Variants in NRXN1 observed in about 807,000 individuals in gnomAD.
The protein encoded by NRXN1 is neurexin-1.
Under a neutral mutation model 150.9 loss-of-function variants are expected in NRXN1, and 39 were observed. The observed-to-expected ratio is 0.26, with a 90% confidence interval of 0.20 to 0.34. The LOEUF is 0.34. Among genes scored for constraint, NRXN1 ranks in the 10% least tolerant of loss-of-function variants. The pLI, the probability that NRXN1 is intolerant of heterozygous loss-of-function variation, is 1.00. For missense variants in NRXN1, 1,815 were observed against 1,949.9 expected, an observed-to-expected ratio of 0.93 and a Z score of 1.30; for synonymous variants, 924 against 757.0, an observed-to-expected ratio of 1.22 and a Z score of -3.62.
At chr2:50,255,143 C>A (rs2067572921) in intron 17 of NRXN1, among the ~76,000 whole-genome samples, 1 of 151,480 alleles carries the variant, frequency 6.6e-6, no homozygotes, top group African/African-American at 2.4e-5. Context: ...TTATAAAAAA[C>A]AAACAAACAA....
intron 15 of NRXN1, among the ~76,000 whole-genome samples, chr2:50,488,604 T>C (rs1161175572): frequency 2.0e-5 from 3 of 152,186 alleles, no homozygotes; most frequent in Admixed American, 1.3e-4. Context: ...GATCTTTCTC[T>C]GTTCTTGTCC....
At chr2:50,364,186 C>A (rs2079425735) in intron 17 of NRXN1, among the ~76,000 whole-genome samples, 1 of 152,038 alleles carries the variant, frequency 6.6e-6, no homozygotes, top group Non-Finnish European at 1.5e-5. Context: ...ACATGTTTAC[C>A]CATGTAACAA....
At chr2:50,218,312 C>T (rs2063542365) in intron 18 of NRXN1, among the ~76,000 whole-genome samples, 1 of 151,596 alleles carries the variant, frequency 6.6e-6, no homozygotes, top group Admixed American at 6.6e-5. Flanking sequence ...GAAAAACTTT[C>T]CACCTTCAGT....
chr2:50,208,471 G>C (rs753437752), intron 18 of NRXN1, among the ~76,000 whole-genome samples: 10 of 152,054 alleles, frequency 6.6e-5, no homozygotes, highest in Non-Finnish European at 1.3e-4. Flanking sequence ...CTTTCTCACA[G>C]GGTATCCCTT....
chr2:50,899,600 T>C (rs140211860), intron 5 of NRXN1, among the ~76,000 whole-genome samples: 3 of 152,258 alleles, frequency 2.0e-5, no homozygotes, highest in Non-Finnish European at 4.4e-5. Flanking sequence ...AGGGGGTAGA[T>C]TATGTCAAAG....
intron 18 of NRXN1, among the ~76,000 whole-genome samples, chr2:50,163,198 A>C (rs1186747703): frequency 2.7e-5 from 4 of 149,438 alleles, no homozygotes; most frequent in Admixed American, 2.0e-4. Flanking sequence ...AACAATACTA[A>C]ATGTAGTATC....
At chr2:50,558,497 C>A (rs1450859595) in intron 8 of NRXN1, among the ~76,000 whole-genome samples, 1 of 152,132 alleles carries the variant, frequency 6.6e-6, no homozygotes, top group Non-Finnish European at 1.5e-5. Flanking sequence ...ATTAAAATAT[C>A]TCTAAGTGAA....
At chr2:50,602,873 CTCTTTGATTTATAT>C (rs1284720394) in intron 8 of NRXN1, among the ~76,000 whole-genome samples, 1 of 152,188 alleles carries the variant, frequency 6.6e-6, no homozygotes, top group Non-Finnish European at 1.5e-5. Flanking sequence ...TGGCTTCTCA[CTCTTTGATTTATAT>C]TCTTTAATGG....
intron 19 of NRXN1, among the ~76,000 whole-genome samples, chr2:50,084,524 G>A (rs367784736): frequency 7.2e-5 from 11 of 152,276 alleles, no homozygotes; most frequent in African/African-American, 2.4e-4. Context: ...CCAAGCCCAC[G>A]CTCACCAGGA....
intron 8 of NRXN1, among the ~76,000 whole-genome samples, chr2:50,564,289 C>T (rs1294141044): frequency 6.6e-6 from 1 of 152,130 alleles, no homozygotes. Flanking sequence ...CTATTATGAT[C>T]TTAACTGTGT....
Position 50,122,162 on chromosome 2 carries a change from T to G in NRXN1, c.3547-30668A>C, listed in dbSNP as rs1157506680. ...TATCCCTTCAAAAAAAAAATTCCATTTGTTTACCAAAATCTATTCACACTT... is the reference window on the plus strand; with the variant it reads ...TATCCCTTCAAAAAAAAAATTCCATGTGTTTACCAAAATCTATTCACACTT... On this transcript the variant is annotated intron_variant, in intron 18 of 22. Transcript: ENST00000401669. 2.0e-5 allele frequency among the ~76,000 whole-genome samples: 3 copies of G among 152,222 alleles called. No homozygotes were observed. In the South Asian group the frequency reaches 6.2e-4, roughly 31 times the overall value.
chr2:50,446,940 C>G (rs1267871543), intron 17 of NRXN1, among the ~76,000 whole-genome samples: 1 of 152,066 alleles, frequency 6.6e-6, no homozygotes, highest in Non-Finnish European at 1.5e-5. Context: ...TGCATATTTA[C>G]AAAAATGTAT....
chr2:50,717,590 T>C (rs1696031339), intron 5 of NRXN1, among the ~76,000 whole-genome samples: 1 of 152,214 alleles, frequency 6.6e-6, no homozygotes, highest in Non-Finnish European at 1.5e-5. Flanking sequence ...CAATTTAATA[T>C]GAAATGGACG....
At chr2:50,968,514 CT>C (rs1694483029) in intron 2 of NRXN1, among the ~76,000 whole-genome samples, 1 of 152,056 alleles carries the variant, frequency 6.6e-6, no homozygotes, top group Non-Finnish European at 1.5e-5. Context: ...GTTAACTCTT[CT>C]GGTGGTAATC....
At chr2:50,164,793 G>A (rs2059573558) in intron 18 of NRXN1, among the ~76,000 whole-genome samples, 1 of 152,164 alleles carries the variant, frequency 6.6e-6, no homozygotes, top group Admixed American at 6.5e-5. Context: ...GGAGAATACA[G>A]AGGTTGTGTT....
At chr2:50,127,318 A>G (rs1170254510) in intron 18 of NRXN1, among the ~76,000 whole-genome samples, 1 of 152,196 alleles carries the variant, frequency 6.6e-6, no homozygotes, top group Non-Finnish European at 1.5e-5. Flanking sequence ...TTTTTTATAA[A>G]TATCAGCCAA....
chr2:50,859,172 C>T (rs1394792856), intron 5 of NRXN1, among the ~76,000 whole-genome samples: 1 of 151,742 alleles, frequency 6.6e-6, no homozygotes, highest in East Asian at 1.9e-4. Flanking sequence ...AGGCTTGTCT[C>T]ACAAGTGCAA....
At chr2:50,321,031 T>C (rs1457078737) in intron 17 of NRXN1, among the ~76,000 whole-genome samples, 1 of 152,128 alleles carries the variant, frequency 6.6e-6, no homozygotes, top group Non-Finnish European at 1.5e-5. Flanking sequence ...GGATTGATTA[T>C]TAACAACTGG....
chr2:50,733,198 G>T (rs1004575472), intron 5 of NRXN1, among the ~76,000 whole-genome samples: 5 of 152,106 alleles, frequency 3.3e-5, no homozygotes, highest in African/African-American at 1.2e-4. Flanking sequence ...TTTTATTGTT[G>T]ATTGAATCAG....
Sources: allele counts gnomAD v4.1 joint callset (sites outside exome capture counted in the v4.1 genomes callset), GRCh38; gene constraint gnomAD v4.1.1; transcripts MANE v1.5; gene names NCBI Gene and HGNC (gene_info 2026-07-23, HGNC 2026-07-21).